The following MBD5 variants were observed in gnomAD, a reference collection of about 807,000 sequenced individuals.
MBD5 encodes the protein methyl-CpG-binding domain protein 5.
MBD5 carries 13 observed loss-of-function variants against 117.3 expected under a neutral mutation model. The ratio of observed to expected loss-of-function variants is 0.11; its 90% CI spans 0.07 to 0.18. The LOEUF (loss-of-function observed/expected upper bound fraction) is 0.18, where lower values mean the gene tolerates loss of function less well. Ranked by LOEUF, MBD5 falls within the 10% of genes least tolerant of loss-of-function variation. MBD5 has a pLI of 1.00. For synonymous variants in MBD5, 727 were observed against 766.4 expected (o/e 0.95, Z 0.85); for missense variants, 1,879 against 2,093.8 (o/e 0.90, Z 2.00).
intron 3 of MBD5, among the ~76,000 whole-genome samples, chr2:148,242,580 G>T (rs570698402): frequency 6.6e-6 from 1 of 152,212 alleles, no homozygotes; most frequent in South Asian, 2.1e-4. Flanking sequence ...TATCAAAGAA[G>T]AATGAGTCTA....
intron 4 of MBD5, among the ~76,000 whole-genome samples, chr2:148,443,279 G>A (rs2079812936): frequency 2.0e-5 from 3 of 151,258 alleles, no homozygotes; most frequent in Non-Finnish European, 2.9e-5. Context: ...GGGAACCTTT[G>A]TACACTGTTG....
intron 1 of MBD5, among the ~76,000 whole-genome samples, chr2:148,151,043 GTTTTTGCCCATTCAGTATGA>G (rs1558947952): frequency 6.8e-6 from 1 of 148,108 alleles, no homozygotes; most frequent in African/African-American, 2.5e-5. Context: ...AATGCTTCCA[GTTTTTGCCCATTCAGTATGA>G]TATTGGCTGT....
intron 4 of MBD5, among the ~76,000 whole-genome samples, chr2:148,412,498 G>T (rs1012224098): frequency 6.6e-6 from 1 of 151,960 alleles, no homozygotes; most frequent in South Asian, 2.1e-4. Context: ...CATGAAGACT[G>T]TCATTGGTAG....
Position 148,431,753 on chromosome 2 carries a change from A to G in MBD5, c.-556-26450A>G, listed in dbSNP as rs146288438. Among the ~76,000 whole-genome samples the G allele has an allele frequency of 9.7e-3, 1,477 of 152,258 alleles. 12 individuals are homozygous for G. The highest frequency in any genetic ancestry group is 0.032 in the African/African-American group (1,310 of 41,558). ...GGCTTCATAGTATTCTATGGTGTAT[A>G]TGTGCCACATTTTCTTTATCCAGTG... On this transcript the variant is annotated intron_variant, in intron 4 of 13. Coordinates refer to ENST00000642680, the MANE Select transcript of MBD5 (RefSeq NM_001378120.1).
At chr2:148,045,835 T>C (rs1334358834) in intron 1 of MBD5, among the ~76,000 whole-genome samples, 1 of 152,154 alleles carries the variant, frequency 6.6e-6, no homozygotes, top group African/African-American at 2.4e-5. Context: ...TATATAGCAA[T>C]CTAGAAATTT....
chr2:148,089,212 T>G (rs1031215118), intron 1 of MBD5, among the ~76,000 whole-genome samples: 2 of 152,064 alleles, frequency 1.3e-5, no homozygotes, highest in African/African-American at 4.8e-5. Flanking sequence ...AAATAATTAT[T>G]ACTAGGCCTA....
rs56657631 is a variant in MBD5 at position 148,125,692 on chromosome 2, C to T, written c.-924-53008C>T. On this transcript the variant is annotated intron_variant, in intron 1 of 13. Coordinates refer to ENST00000642680, the MANE Select transcript of MBD5 (RefSeq NM_001378120.1). ...CCTGATGGCTTCCTATGCTTAACTCCTTTTAATACTTATCACTGTGTAGTG... is the reference window on the plus strand; with the variant it reads ...CCTGATGGCTTCCTATGCTTAACTCTTTTTAATACTTATCACTGTGTAGTG... 2.7e-3 allele frequency among the ~76,000 whole-genome samples: 415 copies of T among 152,290 alleles called. 16 individuals are homozygous for T. In the East Asian group the frequency reaches 0.069, roughly 25 times the overall value.
chr2:148,270,714 A>T (rs1293153220), intron 3 of MBD5, among the ~76,000 whole-genome samples: 1 of 148,986 alleles, frequency 6.7e-6, no homozygotes, highest in African/African-American at 2.5e-5. Context: ...CTGACTTTCA[A>T]TTTTTTTTTT....
At chr2:148,185,569 A>G (rs1244091725) in intron 2 of MBD5, among the ~76,000 whole-genome samples, 1 of 152,228 alleles carries the variant, frequency 6.6e-6, no homozygotes, top group Admixed American at 6.5e-5. Flanking sequence ...GTCATGGAAT[A>G]AACTATTCTG....
chr2:148,102,268 A>G (rs1190180394), intron 1 of MBD5, among the ~76,000 whole-genome samples: 1 of 152,182 alleles, frequency 6.6e-6, no homozygotes, highest in Non-Finnish European at 1.5e-5. Context: ...ATCAAAACCT[A>G]AGTTAAGATT....
At chr2:148,152,822 C>T (rs1293902318) in intron 1 of MBD5, among the ~76,000 whole-genome samples, 1 of 151,916 alleles carries the variant, frequency 6.6e-6, no homozygotes, top group Non-Finnish European at 1.5e-5. Context: ...TTATTTTGAG[C>T]ATATGTGTGT....
chr2:148,260,688 G>C (rs938363828), intron 3 of MBD5: 1 of 208,928 alleles, frequency 4.8e-6, no homozygotes, highest in African/African-American at 2.3e-5. Flanking sequence ...ACCAGATGCT[G>C]CTCTACCCAG....
intron 12 of MBD5, among the ~76,000 whole-genome samples, chr2:148,505,965 T>G (rs1212477008): frequency 6.6e-6 from 1 of 152,162 alleles, no homozygotes; most frequent in Admixed American, 6.6e-5. Flanking sequence ...ATAGATAATA[T>G]AGAGAGAGCC....
intron 3 of MBD5, among the ~76,000 whole-genome samples, chr2:148,274,480 T>A (rs1701055956): frequency 1.3e-5 from 2 of 152,054 alleles, no homozygotes; most frequent in Non-Finnish European, 2.9e-5. Context: ...TTACACTATG[T>A]AAATTTTGTT....
intron 4 of MBD5, among the ~76,000 whole-genome samples, chr2:148,361,368 A>AC (rs1163783612): frequency 3.4e-5 from 3 of 88,962 alleles, no homozygotes; most frequent in Non-Finnish European, 6.8e-5. Context: ...AAACAAAACA[A>AC]AAAAAAAAAC....
intron 12 of MBD5, among the ~76,000 whole-genome samples, chr2:148,509,531 A>T (rs977082949): frequency 7.9e-5 from 12 of 152,152 alleles, no homozygotes. Flanking sequence ...CGTCAGAGTT[A>T]AGCTGTTTCC....
intron 4 of MBD5, among the ~76,000 whole-genome samples, chr2:148,454,899 T>C (rs1038914391): frequency 6.6e-6 from 1 of 152,138 alleles, no homozygotes; most frequent in African/African-American, 2.4e-5. Context: ...AAGAATGTCA[T>C]TGGTGTTTGA....
At chr2:148,117,910 G>A (rs544965579) in intron 1 of MBD5, among the ~76,000 whole-genome samples, 2 of 152,280 alleles carry the variant, frequency 1.3e-5, no homozygotes, top group South Asian at 2.1e-4. Context: ...AATTAAAAAT[G>A]TATGCTTATA....
intron 4 of MBD5, among the ~76,000 whole-genome samples, chr2:148,361,054 G>T (rs565601461): frequency 6.6e-6 from 1 of 152,136 alleles, no homozygotes; most frequent in African/African-American, 2.4e-5. Flanking sequence ...AAGAAAAAAA[G>T]TGCTGGGTTG....
Sources: gnomAD v4.1 joint callset for allele counts (sites outside exome capture counted in the v4.1 genomes callset) on GRCh38, gnomAD v4.1.1 for gene constraint, MANE v1.5 for transcripts, NCBI Gene and HGNC (gene_info 2026-07-23, HGNC 2026-07-21) for gene names.